The following MRPL39 variants were observed in gnomAD, a reference collection of about 807,000 sequenced individuals.
MRPL39 encodes the protein mitochondrial ribosomal protein L39.
MRPL39 carries 35 observed loss-of-function variants against 44.5 expected under a neutral mutation model. The observed-to-expected ratio is 0.79, with a 90% confidence interval of 0.60 to 1.04. The LOEUF (loss-of-function observed/expected upper bound fraction) is 1.04. Ranked by LOEUF, MRPL39 falls within the 50% of genes least tolerant of loss-of-function variation. The probability of loss-of-function intolerance (pLI) is 0.00; values close to 1 mark genes in which losing one functional copy is unlikely to be tolerated. For missense variants in MRPL39, 433 were observed against 413.5 expected, an observed-to-expected ratio of 1.05 and a Z score of -0.41; for synonymous variants, 139 against 136.1, an observed-to-expected ratio of 1.02 and a Z score of -0.15.
At chr21:25,594,664 G>A (rs192860452) in intron 6 of MRPL39, among the ~76,000 whole-genome samples, 35 of 151,780 alleles carry the variant, frequency 2.3e-4, no homozygotes, top group Admixed American at 1.3e-4. Flanking sequence ...CTCTTTTCAC[G>A]CTAAGCATCC....
chr21:25,586,193 A>C (rs1223980269), intron 9 of MRPL39, among the ~76,000 whole-genome samples: 4 of 152,170 alleles, frequency 2.6e-5, no homozygotes, highest in Non-Finnish European at 5.9e-5. Flanking sequence ...ACTCAGACTC[A>C]TCAAACAGAC....
Position 25,588,102 on chromosome 21 carries a change from G to A in MRPL39, c.969+733C>T, listed in dbSNP as rs573405490. On this transcript the variant is annotated intron_variant, in intron 9 of 9. Transcript: ENST00000352957. ...TGAGGGGGGTGGATCACGAGGTCAG[G>A]AGATCGAGACCATCCTGGCTAACAC... Among the ~76,000 whole-genome samples the A allele has an allele frequency of 7.9e-5, 12 of 152,278 alleles. No individual in the cohort carries two copies. The East Asian group carries it at 2.1e-3, about 27-fold the overall frequency.
At chr21:25,605,092 T>A (rs2031624718) in intron 2 of MRPL39, among the ~76,000 whole-genome samples, 2 of 152,212 alleles carry the variant, frequency 1.3e-5, no homozygotes, top group South Asian at 2.1e-4. Context: ...TGAAGGAAGA[T>A]TAAGAGTGAG....
chr21:25,600,063 C>A (rs1457706976), intron 4 of MRPL39, among the ~76,000 whole-genome samples, 197 bp from the exon 5 acceptor site: 1 of 152,134 alleles, frequency 6.6e-6, no homozygotes, highest in Non-Finnish European at 1.5e-5. Context: ...ATTGTCAACC[C>A]CAAATCACAA....
chr21:25,593,851 C>T (rs771580959), intron 7 of MRPL39, 42 bp downstream of exon 7: 7 of 1,536,054 alleles, frequency 4.6e-6, no homozygotes, highest in African/African-American at 1.4e-5. Flanking sequence ...TAAAGCTAAG[C>T]CTTACTCTAA....
chr21:25,603,025 A>C (rs2031565349), intron 3 of MRPL39, among the ~76,000 whole-genome samples: 1 of 151,510 alleles, frequency 6.6e-6, no homozygotes, highest in South Asian at 2.1e-4. Context: ...TTCTTCCCTC[A>C]CTCTCTCTCT....
At chr21:25,588,970 A>G in intron 8 of MRPL39, 88 bp from the exon 9 acceptor site, 1 of 1,144,806 alleles carries the variant, frequency 8.7e-7, no homozygotes, top group Admixed American at 2.1e-5. Flanking sequence ...TTTAGAACAA[A>G]ATAAATAAAA....
At chr21:25,586,519 T>C (rs2031002548) in intron 9 of MRPL39, among the ~76,000 whole-genome samples, 1 of 152,162 alleles carries the variant, frequency 6.6e-6, no homozygotes, top group African/African-American at 2.4e-5. Flanking sequence ...GTCACTTCCC[T>C]ACTCAAAATT....
chr21:25,592,736 C>G, intron 8 of MRPL39, 76 bp downstream of exon 8: 1 of 1,109,344 alleles, frequency 9.0e-7, no homozygotes. Context: ...TTATATTCTT[C>G]AAACTGGTAT....
At chr21:25,600,638 A>G (rs2031494925) in intron 4 of MRPL39, among the ~76,000 whole-genome samples, 1 of 151,662 alleles carries the variant, frequency 6.6e-6, no homozygotes, top group Non-Finnish European at 1.5e-5. Context: ...TCCTAGTTTT[A>G]GCAAAATTAC....
chr21:25,600,574 TTA>T (rs147158005), intron 4 of MRPL39, among the ~76,000 whole-genome samples: 104,092 of 148,672 alleles, frequency 0.7, 36,801 homozygotes, highest in Non-Finnish European at 0.75. Context: ...ATCTACTTCT[TTA>T]AAAAAAAAAA....
At chr21:25,598,342 T>C (rs577337470) in intron 5 of MRPL39, among the ~76,000 whole-genome samples, 2 of 151,656 alleles carry the variant, frequency 1.3e-5, no homozygotes, top group East Asian at 3.9e-4. Context: ...GGCATACACC[T>C]GCAGTCCCAG....
chr21:25,588,224 A>T (rs7278130), intron 9 of MRPL39, among the ~76,000 whole-genome samples: 94,134 of 151,716 alleles, frequency 0.62, 31,057 homozygotes, highest in Non-Finnish European at 0.75. Context: ...AGGCACGAGA[A>T]TCGCTTGAGC....
At chr21:25,592,204 T>C (rs2031199885) in intron 8 of MRPL39, among the ~76,000 whole-genome samples, 1 of 152,120 alleles carries the variant, frequency 6.6e-6, no homozygotes, top group African/African-American at 2.4e-5. Flanking sequence ...TGTAAATGCG[T>C]GTGTCTATAA....
At position 25,607,454 on chromosome 21, in the gene MRPL39, A is replaced by T; in HGVS notation, c.22T>A (p.Ser8Thr). 1 of 1,612,808 alleles carries T rather than the reference A, an allele frequency of 6.2e-7. No homozygotes were observed. Among genetic ancestry groups the T allele is most frequent in the Non-Finnish European group, 8.5e-7 (1 of 1,179,924 alleles). ...ACCAGCCAGAGCCGCAGCGCCCGGG[A>T]ACCCATGGCCAGCGCCTCCATAGCA... is the stretch of plus-strand genomic sequence containing the variant. The part of the protein sequence containing the change: MEALAMG[S>T]RALRLWLVAP... The change falls in exon 1 of 10, where the codon TCC (serine) becomes ACC (threonine). Residue 8 changes from serine to threonine, a missense_variant. Ser to Thr is a moderately conservative substitution (Grantham distance 58). Transcript: ENST00000352957.
At chr21:25,588,297 A>C (rs961875289) in intron 9 of MRPL39, among the ~76,000 whole-genome samples, 1 of 140,236 alleles carries the variant, frequency 7.1e-6, no homozygotes, top group African/African-American at 2.6e-5. Flanking sequence ...GGGAGACAGA[A>C]CAAGACTCTG....
At chr21:25,606,719 C>T in intron 1 of MRPL39, 64 bp from the exon 2 acceptor site, 1 of 1,336,012 alleles carries the variant, frequency 7.5e-7, no homozygotes, top group South Asian at 1.3e-5. Context: ...CAAAAGTGCG[C>T]TCAGAGGTAA....
chr21:25,602,437 G>C (rs2031548910), intron 3 of MRPL39, among the ~76,000 whole-genome samples: 1 of 152,178 alleles, frequency 6.6e-6, no homozygotes, highest in African/African-American at 2.4e-5. Context: ...GTTAATATCT[G>C]TAAATCACCT....
intron 9 of MRPL39, chr21:25,587,836 G>A: frequency 7.2e-7 from 1 of 1,393,264 alleles, no homozygotes; most frequent in Non-Finnish European, 1.0e-6. Context: ...TTGAAAATAA[G>A]TTTAATGTGT....
Sources: allele counts gnomAD v4.1 joint callset (sites outside exome capture counted in the v4.1 genomes callset), GRCh38; gene constraint gnomAD v4.1.1; transcripts MANE v1.5; gene names NCBI Gene and HGNC (gene_info 2026-07-23, HGNC 2026-07-21).